CRPPA: variants seen among roughly 807,000 people sequenced by gnomAD.
CRPPA encodes CDP-L-ribitol pyrophosphorylase A, also known as D-ribitol-5-phosphate cytidylyltransferase.
In CRPPA, 43 loss-of-function variants were observed where a neutral mutation model predicts 52.0. The ratio of observed to expected loss-of-function variants is 0.83; its 90% CI spans 0.65 to 1.07. The LOEUF is 1.07. CRPPA is among the 50% of genes least tolerant of loss of function. The pLI is 0.00. For missense variants in CRPPA, 629 were observed against 551.7 expected (o/e 1.14, Z -1.40); for synonymous variants, 250 against 203.5 (o/e 1.23, Z -1.94).
At chr7:16,336,623 G>A (rs559132674) in intron 3 of CRPPA, among the ~76,000 whole-genome samples, 10 of 149,654 alleles carry the variant, frequency 6.7e-5, no homozygotes, top group African/African-American at 2.4e-4. Flanking sequence ...CAAACTGGCA[G>A]TGGCAAATCC....
At chr7:16,370,868 C>T (rs1275827114) in intron 3 of CRPPA, among the ~76,000 whole-genome samples, 2 of 152,134 alleles carry the variant, frequency 1.3e-5, no homozygotes, top group African/African-American at 4.8e-5. Context: ...CAACAGCCTT[C>T]CTGGAACAAT....
chr7:16,325,531 G>A (rs1167689159), intron 3 of CRPPA, among the ~76,000 whole-genome samples: 1 of 152,090 alleles, frequency 6.6e-6, no homozygotes, highest in Non-Finnish European at 1.5e-5. Context: ...AACTATCAGA[G>A]GCAATCATCT....
At chr7:16,248,985 C>G (rs1003878400) in intron 8 of CRPPA, among the ~76,000 whole-genome samples, 1 of 152,184 alleles carries the variant, frequency 6.6e-6, no homozygotes, top group Admixed American at 6.5e-5. Context: ...GAAATTCTCG[C>G]TGCTAGTACA....
chr7:16,308,521 A>G lies in CRPPA; in HGVS notation c.789+2T>C. The stretch of plus-strand genomic sequence containing the variant: ...ACCCAAGCAAGGTATCATCCCTCTT[A>G]CCTTCCAGAGGTCAGGTGATCCTTC... On this transcript the variant is annotated splice_donor_variant, in intron 4 of 9. Transcript: ENST00000407010. LOFTEE classifies it high-confidence loss of function. 2 of 1,554,720 alleles carry G rather than the reference A, an allele frequency of 1.3e-6. No homozygotes were observed. The highest frequency in any genetic ancestry group is 1.8e-6 in the Non-Finnish European group (2 of 1,129,658).
intron 3 of CRPPA, among the ~76,000 whole-genome samples, chr7:16,371,291 A>C (rs1185737774): frequency 2.0e-5 from 3 of 152,108 alleles, no homozygotes; most frequent in African/African-American, 7.2e-5. Context: ...GAAAAATTAA[A>C]CTGTATACCA....
chr7:16,268,156 C>T (rs1163463155), intron 6 of CRPPA, among the ~76,000 whole-genome samples: 1 of 151,650 alleles, frequency 6.6e-6, no homozygotes, highest in African/African-American at 2.4e-5. Context: ...TGATATTGTA[C>T]TGCAAATGTG....
intron 8 of CRPPA, among the ~76,000 whole-genome samples, chr7:16,222,538 T>C (rs1167135606): frequency 6.6e-6 from 1 of 152,144 alleles, no homozygotes; most frequent in Non-Finnish European, 1.5e-5. Context: ...CATCAAATCA[T>C]TCAACTTAAT....
At position 16,413,880 on chromosome 7, in the gene CRPPA, T is replaced by C. The variant is rs190978000; in HGVS notation, c.257+7186A>G. 6.8e-3 allele frequency among the ~76,000 whole-genome samples: 1,038 copies of C among 152,270 alleles called. 8 individuals are homozygous for C. Among genetic ancestry groups the C allele is most frequent in the South Asian group, 0.018 (88 of 4,820 alleles). Reference sequence around the variant, plus strand: ...AACACATACAGATCTACAAAAGTGATTTTTCTCCCCAAATTTACCTGGAGT... The same window carrying C: ...AACACATACAGATCTACAAAAGTGACTTTTCTCCCCAAATTTACCTGGAGT... On this transcript the variant is annotated intron_variant, in intron 1 of 9. Transcript: ENST00000407010.
chr7:16,390,429 A>G (rs1403360963), intron 2 of CRPPA, among the ~76,000 whole-genome samples: 1 of 152,072 alleles, frequency 6.6e-6, no homozygotes, highest in Non-Finnish European at 1.5e-5. Context: ...CCACACCACC[A>G]CAAAAATACA....
intron 8 of CRPPA, among the ~76,000 whole-genome samples, chr7:16,239,790 T>A (rs1783057804): frequency 6.6e-6 from 1 of 152,142 alleles, no homozygotes; most frequent in African/African-American, 2.4e-5. Context: ...CTTGCCAATC[T>A]CAGTCATCTG....
At chr7:16,304,558 T>C (rs1451033115) in intron 4 of CRPPA, among the ~76,000 whole-genome samples, 1 of 152,080 alleles carries the variant, frequency 6.6e-6, no homozygotes, top group African/African-American at 2.4e-5. Context: ...GGAGAATCAC[T>C]TGAACCCAGG....
At position 16,376,229 on chromosome 7, in the gene CRPPA, T is replaced by C. The variant is rs1330602558; in HGVS notation, c.547A>G (p.Ile183Val). The C allele has an allele frequency of 3.1e-6, 5 of 1,601,446 alleles. No homozygotes were observed. In the African/African-American group the frequency reaches 5.4e-5, roughly 17 times the overall value. ...AAKEHGAAGA[I>V]RPLVSTVVSP... ...ACGACAGTAGATACAAGAGGTCGAA[T>C]GGCTCCTGCTGCCTGAAGAACAAAG... Residue 183 changes from isoleucine (I) to valine (V), a missense_variant, in exon 3 of 10, where the codon ATT becomes GTT. Physicochemically the swap from Ile to Val is conservative, Grantham distance 29. Coordinates refer to ENST00000407010, the MANE Select transcript of CRPPA (RefSeq NM_001101426.4).
At chr7:16,115,739 G>A (rs540352728) in intron 9 of CRPPA, among the ~76,000 whole-genome samples, 2 of 152,276 alleles carry the variant, frequency 1.3e-5, no homozygotes, top group East Asian at 3.9e-4. Flanking sequence ...ACATTGTGAA[G>A]GACAACATAA....
intron 2 of CRPPA, among the ~76,000 whole-genome samples, chr7:16,402,520 A>G (rs1787844274): frequency 6.6e-6 from 1 of 152,230 alleles, no homozygotes; most frequent in African/African-American, 2.4e-5. Flanking sequence ...TTAGTGAATT[A>G]AACGACCAAG....
intron 5 of CRPPA, among the ~76,000 whole-genome samples, chr7:16,281,618 T>A (rs957760509): frequency 6.6e-6 from 1 of 152,202 alleles, no homozygotes; most frequent in Non-Finnish European, 1.5e-5. Flanking sequence ...TATTCGCACA[T>A]AATGAGTTGG....
intron 9 of CRPPA, among the ~76,000 whole-genome samples, chr7:16,165,827 C>T (rs1405530085): frequency 1.3e-5 from 2 of 152,330 alleles, no homozygotes; most frequent in East Asian, 3.9e-4. Context: ...TGGTCAGATG[C>T]ACTTCTACAG....
At chr7:16,410,392 A>G (rs1050729728) in intron 1 of CRPPA, among the ~76,000 whole-genome samples, 5 of 152,190 alleles carry the variant, frequency 3.3e-5, no homozygotes, top group African/African-American at 1.2e-4. Flanking sequence ...CTGCACTCAC[A>G]GTTTCAAATT....
chr7:16,185,546 G>C (rs1181914083), intron 9 of CRPPA, among the ~76,000 whole-genome samples: 1 of 152,174 alleles, frequency 6.6e-6, no homozygotes, highest in African/African-American at 2.4e-5. Flanking sequence ...ATTTTTGTGT[G>C]TGGCTCCTGC....
chr7:16,335,612 T>C (rs1232420190), intron 3 of CRPPA, among the ~76,000 whole-genome samples: 2 of 151,890 alleles, frequency 1.3e-5, no homozygotes, highest in Non-Finnish European at 2.9e-5. Context: ...GAGAAAAGAA[T>C]AAAGAAGGCC....
Sources: gnomAD v4.1 joint callset for allele counts (sites outside exome capture counted in the v4.1 genomes callset) on GRCh38, gnomAD v4.1.1 for gene constraint, MANE v1.5 for transcripts, NCBI Gene and HGNC (gene_info 2026-07-23, HGNC 2026-07-21) for gene names.